USH2A: variants seen among roughly 807,000 people sequenced by gnomAD.
USH2A encodes usherin, also known as Usher syndrome 2A (autosomal recessive, mild).
In USH2A, 443 loss-of-function variants were observed where a neutral mutation model predicts 538.9. The observed-to-expected ratio is 0.82, with a 90% CI of 0.76 to 0.89. USH2A has a LOEUF of 0.89. USH2A is among the 40% of genes least tolerant of loss of function. USH2A has a pLI of 0.00. For synonymous variants in USH2A, 2,413 were observed against 2,273.5 expected, an observed-to-expected ratio of 1.06 and a Z score of -1.75; for missense variants, 6,633 against 6,324.8, an observed-to-expected ratio of 1.05 and a Z score of -1.65.
In USH2A at chr1:215,961,416, C is replaced by A. The variant is rs932244757; in HGVS notation, c.7120+3901G>T. Among the ~76,000 whole-genome samples, 5 of 151,624 alleles carry A rather than the reference C, an allele frequency of 3.3e-5. No homozygotes were observed. In the East Asian group the frequency reaches 9.7e-4, roughly 29 times the overall value. ...CACAAAATAGAAAGTATAATGATATCATTGATCAGAAAAACCCGACAGTAT... is the reference window on the plus strand; with the variant it reads ...CACAAAATAGAAAGTATAATGATATAATTGATCAGAAAAACCCGACAGTAT... On this transcript the variant is annotated intron_variant, in intron 37 of 71. Transcript: ENST00000307340.
At chr1:215,688,077 G>A (rs1658491516) in intron 61 of USH2A, among the ~76,000 whole-genome samples, 1 of 143,498 alleles carries the variant, frequency 7.0e-6, no homozygotes, top group East Asian at 2.0e-4. Context: ...TATTGGGGAA[G>A]AGTGAATGAA....
At chr1:216,014,910 T>C (rs141182758) in intron 32 of USH2A, among the ~76,000 whole-genome samples, 1,676 of 152,350 alleles carry the variant, frequency 0.011, 31 homozygotes, top group South Asian at 0.022. Context: ...AAGTAGGTGA[T>C]GATTTTCTTT....
chr1:216,347,762 T>A (rs2038206591), intron 4 of USH2A, among the ~76,000 whole-genome samples: 1 of 152,140 alleles, frequency 6.6e-6, no homozygotes, highest in Admixed American at 6.6e-5. Flanking sequence ...TCTAAAACTT[T>A]TTGTCATCCA....
intron 44 of USH2A, among the ~76,000 whole-genome samples, chr1:215,849,801 A>G (rs1326140814): frequency 6.6e-6 from 1 of 152,216 alleles, no homozygotes; most frequent in Admixed American, 6.5e-5. Flanking sequence ...CAATGGAACA[A>G]TTTCAACAAG....
At chr1:215,825,188 A>G (rs1454826096) in intron 47 of USH2A, among the ~76,000 whole-genome samples, 1 of 152,144 alleles carries the variant, frequency 6.6e-6, no homozygotes, top group Non-Finnish European at 1.5e-5. Context: ...ACTACATACT[A>G]TTGTGCCACC....
chr1:215,685,083 G>T (rs988050259), intron 61 of USH2A, among the ~76,000 whole-genome samples: 4 of 152,060 alleles, frequency 2.6e-5, no homozygotes, highest in Non-Finnish European at 5.9e-5. Context: ...AGCAGTTCGA[G>T]CTCCCATTAA....
At chr1:215,671,751 G>T (rs1657824871) in intron 63 of USH2A, among the ~76,000 whole-genome samples, 1 of 152,134 alleles carries the variant, frequency 6.6e-6, no homozygotes, top group South Asian at 2.1e-4. Flanking sequence ...AAAGTATGAA[G>T]CAGTTCTCAG....
Position 215,838,006 on chromosome 1 carries a change from C to A in USH2A, c.9356G>T (p.Arg3119Leu). 1 of 1,613,882 alleles carries A rather than the reference C, an allele frequency of 6.2e-7. No individual in the cohort carries two copies. Among genetic ancestry groups the A allele is most frequent in the East Asian group, 2.2e-5 (1 of 44,852 alleles). Reference sequence around the variant, plus strand: ...AATTTTGTACCTTGAAGTGATGCCACGAATTGTGGGTGTTGGTATATCACT... The same window carrying A: ...AATTTTGTACCTTGAAGTGATGCCAAGAATTGTGGGTGTTGGTATATCACT... ...TPSDIPTPTI[R>L]GITSRSLQID... The change falls in exon 47 of 72, where the codon CGT (arginine) becomes CTT (leucine). Residue 3119 changes from arginine (R) to leucine (L), a missense_variant. Coordinates refer to ENST00000307340, the MANE Select transcript of USH2A (RefSeq NM_206933.4).
intron 71 of USH2A, among the ~76,000 whole-genome samples, chr1:215,628,548 G>T (rs1055618471): frequency 3.3e-5 from 5 of 152,162 alleles, no homozygotes; most frequent in East Asian, 1.9e-4. Context: ...CTCCCCAAGT[G>T]CTGGGATTAC....
intron 44 of USH2A, among the ~76,000 whole-genome samples, chr1:215,851,122 A>T (rs1664005193): frequency 6.6e-6 from 1 of 152,202 alleles, no homozygotes. Context: ...ATCTAAGGTC[A>T]CACCTCAAGG....
chr1:216,190,497 G>T, intron 19 of USH2A, 130 bp from the exon 20 acceptor site: 1 of 1,203,708 alleles, frequency 8.3e-7, no homozygotes, highest in Non-Finnish European at 1.1e-6. Flanking sequence ...TTAGGAAAAG[G>T]GTTTTTTTTT....
intron 32 of USH2A, among the ~76,000 whole-genome samples, chr1:216,012,761 A>C (rs1668607506): frequency 6.6e-6 from 1 of 152,174 alleles, no homozygotes; most frequent in Admixed American, 6.5e-5. Context: ...TTCCCTTCTC[A>C]GAAGTCAGGC....
chr1:216,340,548 A>AAAAG (rs1306552734), intron 4 of USH2A, among the ~76,000 whole-genome samples: 2 of 151,562 alleles, frequency 1.3e-5, no homozygotes, highest in African/African-American at 4.8e-5. Flanking sequence ...AAAAAAAAAA[A>AAAAG]AAGAAGGAAA....
chr1:216,157,336 A>G (rs1003039457), intron 21 of USH2A, among the ~76,000 whole-genome samples: 7 of 152,360 alleles, frequency 4.6e-5, no homozygotes, highest in Admixed American at 4.6e-4. Flanking sequence ...AGATGCTGGT[A>G]AGGCTGTGGA....
intron 35 of USH2A, among the ~76,000 whole-genome samples, chr1:215,980,837 A>G (rs1265553527): frequency 6.6e-6 from 1 of 152,014 alleles, no homozygotes; most frequent in Non-Finnish European, 1.5e-5. Flanking sequence ...GGCAAATGTT[A>G]TTTATTTATT....
chr1:215,749,492 G>A (rs1419325833), intron 58 of USH2A, among the ~76,000 whole-genome samples: 1 of 152,214 alleles, frequency 6.6e-6, no homozygotes, highest in Non-Finnish European at 1.5e-5. Flanking sequence ...ATTTAGGAAA[G>A]TGGGCCCCCT....
chr1:216,078,092 G>C lies in USH2A; in HGVS notation c.5569C>G (p.Gln1857Glu). 1 of 1,613,496 alleles carries C rather than the reference G, an allele frequency of 6.2e-7. No individual in the cohort carries two copies. The highest frequency in any genetic ancestry group is 2.2e-5 in the East Asian group (1 of 44,860). ...AATTCCTCCAGATGGAACTTACCTTGTTCCAAACACAAATGTTGATAAGAG... is the reference window on the plus strand; with the variant it reads ...AATTCCTCCAGATGGAACTTACCTTCTTCCAAACACAAATGTTGATAAGAG... Reference protein sequence around the residue: ...LNSYQHLCLEQGFGGCMKDVK... With the variant: ...LNSYQHLCLEEGFGGCMKDVK... Residue 1857 changes from glutamine (Q) to glutamate (E), a missense_variant, in exon 27 of 72, where the codon CAA (glutamine) becomes GAA (glutamate). By Grantham distance (29) the Gln-to-Glu change is conservative. Transcript: ENST00000307340.
intron 21 of USH2A, among the ~76,000 whole-genome samples, chr1:216,173,132 C>T (rs775296186): frequency 9.2e-5 from 14 of 152,036 alleles, no homozygotes; most frequent in Non-Finnish European, 1.9e-4. Flanking sequence ...TATATGCTTA[C>T]CTCTCTATTT....
intron 9 of USH2A, among the ~76,000 whole-genome samples, chr1:216,295,347 T>C (rs1312699474): frequency 1.3e-5 from 2 of 151,826 alleles, no homozygotes; most frequent in African/African-American, 2.4e-5. Flanking sequence ...ACATCATTAA[T>C]AGTAAATAAA....
Sources: allele counts gnomAD v4.1 joint callset (sites outside exome capture counted in the v4.1 genomes callset), GRCh38; gene constraint gnomAD v4.1.1; transcripts MANE v1.5; gene names NCBI Gene and HGNC (gene_info 2026-07-23, HGNC 2026-07-21).